The following PXDNL variants were observed in gnomAD, a reference collection of about 807,000 sequenced individuals.
PXDNL encodes the protein peroxidasin like, also known as probable oxidoreductase PXDNL.
In PXDNL, 145 loss-of-function variants were observed where a neutral mutation model predicts 150.8. That is an observed-to-expected ratio of 0.96 (90% CI 0.84 to 1.10). PXDNL has a LOEUF of 1.10. PXDNL is among the 50% of genes least tolerant of loss of function. PXDNL has a pLI of 0.00. For missense variants in PXDNL, 2,087 were observed against 1,873.9 expected (o/e 1.11, Z -2.10); for synonymous variants, 757 against 725.7 (o/e 1.04, Z -0.69).
At chr8:51,353,115 T>G (rs909382564) in intron 19 of PXDNL, among the ~76,000 whole-genome samples, 1 of 151,660 alleles carries the variant, frequency 6.6e-6, no homozygotes, top group Non-Finnish European at 1.5e-5. Flanking sequence ...TTGTCATTAT[T>G]GGAAAAAGCA....
chr8:51,437,168 A>C (rs1441731348), intron 12 of PXDNL, among the ~76,000 whole-genome samples: 1 of 152,230 alleles, frequency 6.6e-6, no homozygotes, highest in Non-Finnish European at 1.5e-5. Context: ...GAAACTCTGA[A>C]CAGACCAACA....
Position 51,599,796 on chromosome 8 carries a change from G to T in PXDNL, c.237-7098C>A, listed in dbSNP as rs184200495. On this transcript the variant is annotated intron_variant, in intron 2 of 22. Coordinates refer to ENST00000356297, the MANE Select transcript of PXDNL (RefSeq NM_144651.5). The stretch of plus-strand genomic sequence containing the variant: ...TATCTTATATAAATGATATCGTTTA[G>T]ATAATAAATTATACCTTATATAAAT... 2.3e-3 allele frequency among the ~76,000 whole-genome samples: 290 copies of T among 126,784 alleles called. 4 individuals are homozygous for T. Among genetic ancestry groups the T allele is most frequent in the African/African-American group, 9.3e-3 (249 of 26,852 alleles). The allele number at this position is 126,784 out of a possible 152,430, so 83.2% of individuals were successfully genotyped here.
chr8:51,585,335 C>A (rs1813299645), intron 3 of PXDNL, among the ~76,000 whole-genome samples: 1 of 152,008 alleles, frequency 6.6e-6, no homozygotes, highest in South Asian at 2.1e-4. Flanking sequence ...TGACTGAAAC[C>A]ATGGAAGCAG....
chr8:51,677,644 G>A (rs1406510451), intron 1 of PXDNL, among the ~76,000 whole-genome samples: 2 of 152,162 alleles, frequency 1.3e-5, no homozygotes, highest in Non-Finnish European at 2.9e-5. Flanking sequence ...TTATTTTGAA[G>A]TCACCATTTC....
intron 1 of PXDNL, among the ~76,000 whole-genome samples, chr8:51,659,080 C>G (rs1462078714): frequency 1.3e-5 from 2 of 152,104 alleles, no homozygotes; most frequent in Admixed American, 6.5e-5. Flanking sequence ...ATAAAACTTC[C>G]CTTAGCCTAA....
Position 51,398,219 on chromosome 8 carries a change from C to T in PXDNL, c.3557+9848G>A, listed in dbSNP as rs925509621. On this transcript the variant is annotated intron_variant, in intron 17 of 22. Transcript: ENST00000356297. ...CAGTTTCCCTTCGGGAGAAATCTCG[C>T]CCACACTGCACAGGGCACTAGAATC... 4.6e-5 allele frequency among the ~76,000 whole-genome samples: 7 copies of T among 152,202 alleles called. No individual in the cohort carries two copies. In the South Asian group the frequency reaches 6.2e-4, roughly 13 times the overall value.
intron 20 of PXDNL, among the ~76,000 whole-genome samples, chr8:51,341,663 A>G (rs994202840): frequency 5.3e-5 from 8 of 152,204 alleles, no homozygotes; most frequent in African/African-American, 1.9e-4. Flanking sequence ...ATTCTCTGCC[A>G]CTAAGAATCC....
intron 14 of PXDNL, among the ~76,000 whole-genome samples, chr8:51,416,470 C>T (rs1808803740): frequency 6.6e-6 from 1 of 152,192 alleles, no homozygotes; most frequent in Non-Finnish European, 1.5e-5. Flanking sequence ...TTGTCTTCAT[C>T]TGTTAGCTCA....
At chr8:51,772,945 T>C (rs2129243547) in intron 1 of PXDNL, among the ~76,000 whole-genome samples, 1 of 152,316 alleles carries the variant, frequency 6.6e-6, no homozygotes, top group South Asian at 2.1e-4. Context: ...GTGCCTGCTA[T>C]GGTTCCAGGT....
At chr8:51,479,268 A>G (rs1247413906) in intron 6 of PXDNL, among the ~76,000 whole-genome samples, 1 of 152,218 alleles carries the variant, frequency 6.6e-6, no homozygotes, top group Non-Finnish European at 1.5e-5. Flanking sequence ...CCAGATAGAA[A>G]TTTATGTAGA....
chr8:51,648,507 T>C (rs909219754), intron 2 of PXDNL, among the ~76,000 whole-genome samples: 2 of 152,172 alleles, frequency 1.3e-5, no homozygotes, highest in Non-Finnish European at 2.9e-5. Context: ...GAAGTTTCTC[T>C]CCCAGAGCCT....
At chr8:51,495,970 A>C (rs933805588) in intron 5 of PXDNL, among the ~76,000 whole-genome samples, 8 of 152,196 alleles carry the variant, frequency 5.3e-5, no homozygotes, top group Admixed American at 2.0e-4. Context: ...TGGCAGAGAC[A>C]CAACAAAAAA....
chr8:51,657,382 A>G (rs1815173157), intron 1 of PXDNL, among the ~76,000 whole-genome samples: 1 of 152,142 alleles, frequency 6.6e-6, no homozygotes, highest in South Asian at 2.1e-4. Flanking sequence ...GGTTGTTAAA[A>G]CTTCCCTTTT....
intron 20 of PXDNL, among the ~76,000 whole-genome samples, chr8:51,341,970 T>C (rs897147935): frequency 6.6e-6 from 1 of 152,094 alleles, no homozygotes; most frequent in African/African-American, 2.4e-5. Flanking sequence ...GCCAAAATAA[T>C]TGAAATGAGG....
At chr8:51,465,917 G>T (rs1810195188) in intron 8 of PXDNL, among the ~76,000 whole-genome samples, 1 of 151,898 alleles carries the variant, frequency 6.6e-6, no homozygotes, top group African/African-American at 2.4e-5. Context: ...AAATAAGAAA[G>T]CATTTCATGC....
intron 1 of PXDNL, among the ~76,000 whole-genome samples, chr8:51,747,016 C>T (rs1014031306): frequency 2.0e-5 from 3 of 152,212 alleles, no homozygotes; most frequent in African/African-American, 7.2e-5. Context: ...GCCACTGTGC[C>T]AAGCCAAATG....
chr8:51,551,727 A>C (rs557135057), intron 4 of PXDNL, among the ~76,000 whole-genome samples: 257 of 152,218 alleles, frequency 1.7e-3, no homozygotes, highest in Non-Finnish European at 2.7e-3. Flanking sequence ...AAATTCTAGA[A>C]GATAACATTG....
At chr8:51,359,987 CA>C (rs1806663286) in intron 19 of PXDNL, among the ~76,000 whole-genome samples, 1 of 142,348 alleles carries the variant, frequency 7.0e-6, no homozygotes, top group Admixed American at 7.2e-5. Context: ...ATACTTTACA[CA>C]AGTACTCAAT....
intron 1 of PXDNL, among the ~76,000 whole-genome samples, chr8:51,774,622 T>A (rs1340723197): frequency 6.6e-6 from 1 of 151,982 alleles, no homozygotes; most frequent in Non-Finnish European, 1.5e-5. Context: ...ATCGAGACCA[T>A]CCTGGGTAAC....
Sources: gnomAD v4.1 joint callset for allele counts (sites outside exome capture counted in the v4.1 genomes callset) on GRCh38, gnomAD v4.1.1 for gene constraint, MANE v1.5 for transcripts, NCBI Gene and HGNC (gene_info 2026-07-23, HGNC 2026-07-21) for gene names.